Variants in SLC35F4 observed in about 807,000 individuals in gnomAD.
SLC35F4 encodes the protein chromosome 14 open reading frame 36.
Under a neutral mutation model 44.2 loss-of-function variants are expected in SLC35F4, and 24 were observed. That is an observed-to-expected ratio of 0.54 (90% CI 0.39 to 0.76). The LOEUF (loss-of-function observed/expected upper bound fraction) is 0.76. SLC35F4 is among the 30% of genes least tolerant of loss of function. The pLI, the probability that SLC35F4 is intolerant of heterozygous loss-of-function variation, is 0.00. For missense variants in SLC35F4, 562 were observed against 586.1 expected (o/e 0.96, Z 0.42); for synonymous variants, 238 against 223.6 (o/e 1.06, Z -0.57).
intron 1 of SLC35F4, among the ~76,000 whole-genome samples, chr14:57,953,562 CA>C (rs2141082419): frequency 6.6e-6 from 1 of 152,008 alleles, no homozygotes; most frequent in African/African-American, 2.4e-5. Flanking sequence ...CACATGGGCT[CA>C]AAATAAAGGG....
At chr14:57,649,018 C>T (rs974155718) in intron 1 of SLC35F4, among the ~76,000 whole-genome samples, 2 of 152,192 alleles carry the variant, frequency 1.3e-5, no homozygotes, top group Non-Finnish European at 2.9e-5. Flanking sequence ...ACTTCTTTGT[C>T]TGCCTACCTA....
intron 1 of SLC35F4, among the ~76,000 whole-genome samples, chr14:57,645,547 T>A (rs1317481647): frequency 1.3e-5 from 2 of 151,796 alleles, no homozygotes; most frequent in African/African-American, 2.4e-5. Context: ...TTTCTAGATA[T>A]ACAATCATGT....
chr14:57,745,977 G>A (rs150911667), intron 1 of SLC35F4, among the ~76,000 whole-genome samples: 22,338 of 151,716 alleles, frequency 0.15, 1,865 homozygotes, highest in African/African-American at 0.22. Context: ...GCAAACTATC[G>A]CAAGGACAAA....
chr14:57,812,940 C>A (rs1010036064), intron 1 of SLC35F4, among the ~76,000 whole-genome samples: 2 of 152,208 alleles, frequency 1.3e-5, no homozygotes, highest in African/African-American at 4.8e-5. Flanking sequence ...ACAGTGATAG[C>A]AAACAGCATC....
intron 1 of SLC35F4, among the ~76,000 whole-genome samples, chr14:57,662,728 T>C (rs142805635): frequency 1.3e-4 from 20 of 152,328 alleles, no homozygotes; most frequent in African/African-American, 4.8e-4. Context: ...GACTAAAACA[T>C]AGCCTCTACT....
chr14:57,635,993 T>G (rs1048548876), intron 1 of SLC35F4, among the ~76,000 whole-genome samples: 8 of 152,142 alleles, frequency 5.3e-5, no homozygotes, highest in African/African-American at 1.7e-4. Context: ...CAGCTTTTAC[T>G]TCCATGTGGG....
At chr14:57,884,633 T>A (rs1024119741) in intron 1 of SLC35F4, among the ~76,000 whole-genome samples, 1 of 152,184 alleles carries the variant, frequency 6.6e-6, no homozygotes, top group African/African-American at 2.4e-5. Flanking sequence ...CTGAAGCAGG[T>A]CTAAGTATCC....
At chr14:57,979,345 G>A (rs1881310391) in intron 1 of SLC35F4, among the ~76,000 whole-genome samples, 1 of 152,106 alleles carries the variant, frequency 6.6e-6, no homozygotes, top group Non-Finnish European at 1.5e-5. Context: ...AAGAAAGGAG[G>A]GAAGAGAAGC....
At chr14:57,760,255 C>A (rs935577358) in intron 1 of SLC35F4, among the ~76,000 whole-genome samples, 2 of 152,038 alleles carry the variant, frequency 1.3e-5, no homozygotes, top group African/African-American at 4.8e-5. Flanking sequence ...ATGTGGAAAT[C>A]CAGTTTTCCC....
intron 1 of SLC35F4, among the ~76,000 whole-genome samples, chr14:57,666,609 T>C (rs1191393143): frequency 6.6e-6 from 1 of 152,108 alleles, no homozygotes; most frequent in Non-Finnish European, 1.5e-5. Context: ...AGATAATAAA[T>C]GTATGTTTTT....
At chr14:57,632,379 G>GA (rs889560799) in intron 1 of SLC35F4, among the ~76,000 whole-genome samples, 25 of 151,590 alleles carry the variant, frequency 1.6e-4, no homozygotes, top group African/African-American at 4.1e-4. Context: ...CAAAATGAAG[G>GA]AAAAAAAAGA....
chr14:57,778,242 C>A (rs1247580423), intron 1 of SLC35F4, among the ~76,000 whole-genome samples: 1 of 152,166 alleles, frequency 6.6e-6, no homozygotes, highest in Non-Finnish European at 1.5e-5. Flanking sequence ...ACTATAAGCC[C>A]AACTAAACCT....
intron 1 of SLC35F4, among the ~76,000 whole-genome samples, chr14:57,634,427 G>C (rs1594653222): frequency 6.6e-6 from 1 of 152,096 alleles, no homozygotes; most frequent in Non-Finnish European, 1.5e-5. Context: ...ATTTGGGCAA[G>C]ATTCTTATCT....
At chr14:57,589,173 A>G in intron 3 of SLC35F4, 43 bp downstream of exon 3, 1 of 1,534,866 alleles carries the variant, frequency 6.5e-7, no homozygotes, top group Non-Finnish European at 8.7e-7. Flanking sequence ...TTTTCATAAA[A>G]CATTTCAATG....
At chr14:57,643,654 A>C (rs1017351461) in intron 1 of SLC35F4, among the ~76,000 whole-genome samples, 2 of 152,152 alleles carry the variant, frequency 1.3e-5, no homozygotes, top group East Asian at 1.9e-4. Context: ...TTTAGGGTAC[A>C]TGTGCACAAC....
intron 1 of SLC35F4, among the ~76,000 whole-genome samples, chr14:57,835,590 C>G (rs1279039913): frequency 1.3e-5 from 2 of 152,186 alleles, no homozygotes; most frequent in African/African-American, 2.4e-5. Flanking sequence ...CAAAAGGACT[C>G]TATAACATTT....
At chr14:57,803,931 T>C (rs1245172898) in intron 1 of SLC35F4, among the ~76,000 whole-genome samples, 1 of 152,126 alleles carries the variant, frequency 6.6e-6, no homozygotes, top group Non-Finnish European at 1.5e-5. Flanking sequence ...AGTCTCAGGA[T>C]ACAAAATCAT....
intron 1 of SLC35F4, among the ~76,000 whole-genome samples, chr14:57,961,820 C>T (rs1035776128): frequency 1.3e-5 from 2 of 152,192 alleles, no homozygotes; most frequent in South Asian, 2.1e-4. Context: ...GCCCTCCCTG[C>T]CTCAACTGAC....
intron 1 of SLC35F4, among the ~76,000 whole-genome samples, chr14:57,661,580 A>AT (rs2074138667): frequency 6.6e-6 from 1 of 152,240 alleles, no homozygotes; most frequent in Non-Finnish European, 1.5e-5. Flanking sequence ...AACCCTACTG[A>AT]TAATAGAGAT....
Sources: gnomAD v4.1 joint callset for allele counts (sites outside exome capture counted in the v4.1 genomes callset) on GRCh38, gnomAD v4.1.1 for gene constraint, MANE v1.5 for transcripts, NCBI Gene and HGNC (gene_info 2026-07-23, HGNC 2026-07-21) for gene names.